The following SGCD variants were observed in gnomAD, a reference collection of about 807,000 sequenced individuals.
SGCD encodes sarcoglycan delta.
SGCD carries 18 observed loss-of-function variants against 36.6 expected under a neutral mutation model. The observed-to-expected ratio is 0.49, with a 90% CI of 0.34 to 0.73. The LOEUF (loss-of-function observed/expected upper bound fraction) is 0.73, where lower values mean the gene tolerates loss of function less well. SGCD is among the 30% of genes least tolerant of loss of function. SGCD has a pLI of 0.01. For missense variants in SGCD, 387 were observed against 346.7 expected, an observed-to-expected ratio of 1.12 and a Z score of -0.92; for synonymous variants, 133 against 130.6, an observed-to-expected ratio of 1.02 and a Z score of -0.12.
intron 2 of SGCD, among the ~76,000 whole-genome samples, chr5:156,118,437 T>C (rs1182516068): frequency 6.6e-6 from 1 of 152,054 alleles, no homozygotes; most frequent in Non-Finnish European, 1.5e-5. Context: ...AATTAGAAAA[T>C]GTCAGACTTG....
chr5:156,376,278 G>A (rs955381778), intron 3 of SGCD, among the ~76,000 whole-genome samples: 7 of 152,166 alleles, frequency 4.6e-5, no homozygotes, highest in Non-Finnish European at 1.0e-4. Flanking sequence ...AGAACACAAA[G>A]AATTGTAGGG....
intron 3 of SGCD, chr5:156,458,461 G>T: frequency 6.2e-7 from 1 of 1,610,048 alleles, no homozygotes; most frequent in Non-Finnish European, 8.5e-7. Flanking sequence ...CATCCCCATG[G>T]CAGCTCATCC....
At chr5:156,121,696 TA>T (rs1762044356) in intron 2 of SGCD, among the ~76,000 whole-genome samples, 1 of 152,180 alleles carries the variant, frequency 6.6e-6, no homozygotes, top group Non-Finnish European at 1.5e-5. Flanking sequence ...AAATTAGATT[TA>T]GATCTAAAGT....
At chr5:155,957,869 A>T (rs1341024667) in intron 1 of SGCD, among the ~76,000 whole-genome samples, 1 of 152,156 alleles carries the variant, frequency 6.6e-6, no homozygotes, top group Non-Finnish European at 1.5e-5. Flanking sequence ...TATTCTGCCT[A>T]CTACAGATGG....
chr5:155,925,921 C>CTT (rs113991178), intron 1 of SGCD, among the ~76,000 whole-genome samples: 3 of 149,838 alleles, frequency 2.0e-5, no homozygotes, highest in African/African-American at 7.4e-5. Context: ...CACCTGGCAA[C>CTT]TTTTTTTTTT....
chr5:156,403,854 A>T (rs1365859693), intron 3 of SGCD, among the ~76,000 whole-genome samples: 1 of 137,552 alleles, frequency 7.3e-6, no homozygotes, highest in African/African-American at 2.8e-5. Context: ...TTTTTTTTTG[A>T]GATGGAGGCT....
rs765577788 is a variant in SGCD, at chr5:156,764,167, C to T, written c.*4777C>T. ...AAGTTATAATATAAGAAACAACCTTCGAAAACAGGCCTTTTATCTCAAAGA... is the reference window on the plus strand; with the variant it reads ...AAGTTATAATATAAGAAACAACCTTTGAAAACAGGCCTTTTATCTCAAAGA... On this transcript the variant is annotated 3_prime_UTR_variant, in exon 9 of 9. Coordinates refer to ENST00000337851, the MANE Select transcript of SGCD (RefSeq NM_000337.6). The T allele has an allele frequency of 2.0e-5, 3 of 152,490 alleles. No homozygotes were observed. In the South Asian group the frequency reaches 6.2e-4, roughly 32 times the overall value. The allele number at this position is 152,490 out of a possible 1,614,324, so 9.4% of individuals were successfully genotyped here.
At chr5:155,843,522 G>C in the SGCD span, among the ~76,000 whole-genome samples, 1 of 152,202 alleles carries the variant, frequency 6.6e-6, no homozygotes, top group Non-Finnish European at 1.5e-5. Flanking sequence ...TCAGCAGGCT[G>C]AATTGTCCTC....
At chr5:156,534,180 T>G (rs1238917706) in intron 4 of SGCD, among the ~76,000 whole-genome samples, 1 of 145,374 alleles carries the variant, frequency 6.9e-6, no homozygotes, top group African/African-American at 2.5e-5. Context: ...ATCATTCTTT[T>G]TTTTTTTTGG....
the SGCD span, among the ~76,000 whole-genome samples, chr5:155,784,586 A>C: frequency 1.4e-5 from 2 of 147,496 alleles, no homozygotes; most frequent in Admixed American, 1.3e-4. Context: ...ATGATGTGGT[A>C]GTGTTTCCAT....
intron 3 of SGCD, among the ~76,000 whole-genome samples, chr5:156,362,760 C>A (rs1398049993): frequency 6.6e-6 from 1 of 152,196 alleles, no homozygotes; most frequent in Admixed American, 6.5e-5. Context: ...TACTTGGGAG[C>A]ATTTCATGAC....
At chr5:156,469,716 T>C (rs1394295650) in intron 3 of SGCD, among the ~76,000 whole-genome samples, 1 of 152,232 alleles carries the variant, frequency 6.6e-6, no homozygotes, top group Non-Finnish European at 1.5e-5. Flanking sequence ...ATTGCTAGTT[T>C]CTTACTTGAG....
the SGCD span, among the ~76,000 whole-genome samples, chr5:155,772,226 C>A: frequency 6.6e-6 from 1 of 152,236 alleles, no homozygotes; most frequent in African/African-American, 2.4e-5. Flanking sequence ...AAGGAGGGCG[C>A]TGTTTCTCAG....
the SGCD span, among the ~76,000 whole-genome samples, chr5:155,732,051 A>T: frequency 6.6e-6 from 1 of 152,364 alleles, no homozygotes; most frequent in East Asian, 1.9e-4. Context: ...GGTTACCTTC[A>T]TCAGCCTCAT....
At chr5:156,710,664 A>C (rs1358758656) in intron 7 of SGCD, among the ~76,000 whole-genome samples, 1 of 152,204 alleles carries the variant, frequency 6.6e-6, no homozygotes, top group East Asian at 1.9e-4. Flanking sequence ...CAGTTGGTTA[A>C]AAGAGTTAAG....
chr5:156,619,305 G>A (rs1037571622), intron 6 of SGCD, among the ~76,000 whole-genome samples: 3 of 152,234 alleles, frequency 2.0e-5, no homozygotes, highest in South Asian at 2.1e-4. Flanking sequence ...GATTACAGGC[G>A]TGAGCTGCCG....
At chr5:156,230,702 C>T (rs555740131) in intron 3 of SGCD, among the ~76,000 whole-genome samples, 1 of 152,268 alleles carries the variant, frequency 6.6e-6, no homozygotes, top group South Asian at 2.1e-4. Flanking sequence ...CCACATGCTG[C>T]TCTGTCTGTC....
chr5:155,799,803 C>T, the SGCD span, among the ~76,000 whole-genome samples: 2 of 144,004 alleles, frequency 1.4e-5, no homozygotes, highest in Non-Finnish European at 3.0e-5. Context: ...ATTTCTACTT[C>T]CTATTCCCCT....
chr5:156,149,030 A>T (rs912551554), intron 3 of SGCD, among the ~76,000 whole-genome samples: 12 of 152,320 alleles, frequency 7.9e-5, no homozygotes, highest in African/African-American at 2.9e-4. Context: ...CTCAGGCACC[A>T]GTTTCTCCAG....
Sources: allele counts gnomAD v4.1 joint callset (sites outside exome capture counted in the v4.1 genomes callset), GRCh38; gene constraint gnomAD v4.1.1; transcripts MANE v1.5; gene names NCBI Gene and HGNC (gene_info 2026-07-23, HGNC 2026-07-21).